The following HSD17B12 variants were observed in gnomAD, a reference collection of about 807,000 sequenced individuals.
HSD17B12 encodes the protein hydroxysteroid 17-beta dehydrogenase 12.
Under a neutral mutation model 39.3 loss-of-function variants are expected in HSD17B12, and 32 were observed. The ratio of observed to expected loss-of-function variants is 0.81; its 90% CI spans 0.61 to 1.09. HSD17B12 has a LOEUF of 1.09. HSD17B12 is among the 50% of genes least tolerant of loss of function. HSD17B12 has a pLI of 0.00. For synonymous variants in HSD17B12, 150 were observed against 146.7 expected, an observed-to-expected ratio of 1.02 and a Z score of -0.16; for missense variants, 342 against 382.9, an observed-to-expected ratio of 0.89 and a Z score of 0.89.
chr11:43,824,776 A>G (rs1380987584), intron 6 of HSD17B12, among the ~76,000 whole-genome samples: 1 of 152,198 alleles, frequency 6.6e-6, no homozygotes, highest in Non-Finnish European at 1.5e-5. Context: ...TGGGTGGATC[A>G]CTTGAGCCCA....
At chr11:43,580,521 G>A in the HSD17B12 span, among the ~76,000 whole-genome samples, 4 of 152,116 alleles carry the variant, frequency 2.6e-5, no homozygotes, top group African/African-American at 4.8e-5. Flanking sequence ...GGGAAAGGGG[G>A]TGTTGAGACA....
At position 43,779,728 on chromosome 11, in the gene HSD17B12, A is replaced by G. The variant is rs189429829; in HGVS notation, c.284-18592A>G. Among the ~76,000 whole-genome samples, 42 of 152,330 alleles carry G rather than the reference A, an allele frequency of 2.8e-4. No individual in the cohort carries two copies. In the East Asian group the frequency reaches 7.1e-3, roughly 26 times the overall value. ...TTCAGTCTTTGCCTTTGCTGGTATA[A>G]TATGTTCATTGCTTTAATGGGCCAA... On this transcript the variant is annotated intron_variant, in intron 3 of 10. Coordinates refer to ENST00000278353, the MANE Select transcript of HSD17B12 (RefSeq NM_016142.3).
chr11:43,636,652 G>T, the HSD17B12 span, among the ~76,000 whole-genome samples: 8 of 151,838 alleles, frequency 5.3e-5, no homozygotes, highest in South Asian at 1.5e-3. Context: ...AAGAGACTCC[G>T]ATTAAATAAT....
chr11:43,816,516 A>T, intron 6 of HSD17B12, 125 bp downstream of exon 6: 1 of 696,536 alleles, frequency 1.4e-6, no homozygotes, highest in South Asian at 4.5e-5. Context: ...TTCCAGATAC[A>T]AGTGGTCTAT....
chr11:43,731,903 C>T (rs1396611660), intron 1 of HSD17B12, among the ~76,000 whole-genome samples: 7 of 152,198 alleles, frequency 4.6e-5, no homozygotes, highest in East Asian at 3.9e-4. Flanking sequence ...GTGGAGTTTT[C>T]GATCTTCTGA....
chr11:43,708,761 A>T (rs1950038259), intron 1 of HSD17B12, among the ~76,000 whole-genome samples: 1 of 152,236 alleles, frequency 6.6e-6, no homozygotes, highest in Admixed American at 6.5e-5. Flanking sequence ...TACTTCATAG[A>T]TCATGATATT....
At chr11:43,792,489 G>C (rs1029563553) in intron 3 of HSD17B12, among the ~76,000 whole-genome samples, 1 of 152,048 alleles carries the variant, frequency 6.6e-6, no homozygotes, top group East Asian at 1.9e-4. Context: ...CTGGAATAAG[G>C]GAGATTGGTA....
chr11:43,655,761 G>C, the HSD17B12 span, among the ~76,000 whole-genome samples: 1 of 152,148 alleles, frequency 6.6e-6, no homozygotes, highest in Non-Finnish European at 1.5e-5. Flanking sequence ...AAGCCCACTT[G>C]ATCATGATGG....
At chr11:43,771,091 T>G (rs1030222515) in intron 3 of HSD17B12, among the ~76,000 whole-genome samples, 2 of 152,186 alleles carry the variant, frequency 1.3e-5, no homozygotes, top group Non-Finnish European at 2.9e-5. Context: ...TACTTTTTGT[T>G]TTTCTCCCCA....
intron 3 of HSD17B12, among the ~76,000 whole-genome samples, chr11:43,774,658 G>A (rs1386309241): frequency 6.6e-6 from 1 of 152,134 alleles, no homozygotes; most frequent in Non-Finnish European, 1.5e-5. Flanking sequence ...CTTCGAAGAG[G>A]TTTATAGAAA....
chr11:43,693,427 A>G (rs1036978864), intron 1 of HSD17B12, among the ~76,000 whole-genome samples: 9 of 152,160 alleles, frequency 5.9e-5, no homozygotes, highest in African/African-American at 2.2e-4. Context: ...TAAAGAAATG[A>G]TATGTACCTT....
the HSD17B12 span, among the ~76,000 whole-genome samples, chr11:43,583,539 C>T: frequency 2.6e-5 from 4 of 152,182 alleles, no homozygotes; most frequent in Non-Finnish European, 5.9e-5. Flanking sequence ...CTTCCCTTCA[C>T]AATAAGTGAA....
chr11:43,731,601 G>A (rs905103896), intron 1 of HSD17B12, among the ~76,000 whole-genome samples: 10 of 152,142 alleles, frequency 6.6e-5, no homozygotes, highest in African/African-American at 1.2e-4. Context: ...CATAAATTTC[G>A]AAAGGAGAGC....
chr11:43,632,941 A>G, the HSD17B12 span, among the ~76,000 whole-genome samples: 3 of 152,172 alleles, frequency 2.0e-5, no homozygotes, highest in East Asian at 5.8e-4. Context: ...CTTTATTTAA[A>G]AAGAAAAAAA....
At chr11:43,665,630 G>A in the HSD17B12 span, among the ~76,000 whole-genome samples, 1 of 152,148 alleles carries the variant, frequency 6.6e-6, no homozygotes, top group Non-Finnish European at 1.5e-5. Flanking sequence ...CTGAAAGGTA[G>A]ACATTATTTG....
chr11:43,689,017 G>T (rs1304142698), intron 1 of HSD17B12, among the ~76,000 whole-genome samples: 1 of 152,158 alleles, frequency 6.6e-6, no homozygotes, highest in Non-Finnish European at 1.5e-5. Context: ...CACTCAGCAG[G>T]TATACACTTG....
rs139299122 is a variant in HSD17B12, at chr11:43,814,853, C to T, written c.392-584C>T. Among the ~76,000 whole-genome samples, 963 of 152,254 alleles carry T rather than the reference C, an allele frequency of 6.3e-3. 9 individuals carry two copies. The highest frequency in any genetic ancestry group is 1.0e-2 in the Non-Finnish European group (678 of 68,024). ...TTCTTTTCCTACTAGATTGTATGCT[C>T]CGTGATACCAACATTTTTTCCCCAC... On this transcript the variant is annotated intron_variant, in intron 4 of 10. Coordinates refer to ENST00000278353, the MANE Select transcript of HSD17B12 (RefSeq NM_016142.3).
At chr11:43,702,810 AT>A (rs1398414357) in intron 1 of HSD17B12, among the ~76,000 whole-genome samples, 1 of 150,476 alleles carries the variant, frequency 6.6e-6, no homozygotes, top group African/African-American at 2.5e-5. Context: ...TTTTTTTGCA[AT>A]TTTTTTTCTT....
At chr11:43,658,101 A>T in the HSD17B12 span, among the ~76,000 whole-genome samples, 2 of 152,072 alleles carry the variant, frequency 1.3e-5, no homozygotes, top group African/African-American at 4.8e-5. Flanking sequence ...GTTTCTTTTT[A>T]TTCTTTTTTC....
Sources: allele counts gnomAD v4.1 joint callset (sites outside exome capture counted in the v4.1 genomes callset), GRCh38; gene constraint gnomAD v4.1.1; transcripts MANE v1.5; gene names NCBI Gene and HGNC (gene_info 2026-07-23, HGNC 2026-07-21).